The following SDHB variants were observed in gnomAD, a reference collection of about 807,000 sequenced individuals.
The protein encoded by SDHB is succinate dehydrogenase [ubiquinone] iron-sulfur subunit, mitochondrial.
A neutral mutation model predicts 39.7 loss-of-function variants in SDHB; 21 were observed. The ratio of observed to expected loss-of-function variants is 0.53; its 90% CI spans 0.37 to 0.76. The LOEUF is 0.76. Ranked by LOEUF, SDHB falls within the 30% of genes least tolerant of loss-of-function variation. The pLI, the probability that SDHB is intolerant of heterozygous loss-of-function variation, is 0.00. For synonymous variants in SDHB, 118 were observed against 117.0 expected, an observed-to-expected ratio of 1.01 and a Z score of -0.06; for missense variants, 343 against 350.9, an observed-to-expected ratio of 0.98 and a Z score of 0.18.
intron 1 of SDHB, among the ~76,000 whole-genome samples, chr1:17,046,333 A>C (rs1430014019): frequency 6.7e-6 from 1 of 149,860 alleles, no homozygotes; most frequent in Non-Finnish European, 1.5e-5. Flanking sequence ...ACTCCAGTGG[A>C]CTTTGCTTGC....
intron 7 of SDHB, among the ~76,000 whole-genome samples, chr1:17,021,764 G>T (rs1168936429): frequency 6.6e-6 from 1 of 151,922 alleles, no homozygotes; most frequent in African/African-American, 2.4e-5. Context: ...AAAAAAAAAG[G>T]CTGAGCTTGG....
At position 17,054,007 on chromosome 1, in the gene SDHB, C is replaced by G. The variant is rs962717797; in HGVS notation, c.13G>C (p.Val5Leu). The G allele has an allele frequency of 1.2e-6, 2 of 1,610,732 alleles. No individual in the cohort carries two copies. The highest frequency in any genetic ancestry group is 1.7e-6 in the Non-Finnish European group (2 of 1,178,432). The change falls in exon 1 of 8, where the codon GTC becomes CTC. Residue 5 changes from valine to leucine, a missense_variant. Val to Leu is a conservative substitution (Grantham distance 32). Transcript: ENST00000375499. MAAV[V>L]ALSLRRRLPA... The stretch of plus-strand genomic sequence containing the variant: ...AACCGGCGCCTCAAGGAGAGGGCGA[C>G]CACCGCCGCCATCTTGGCTCCTGAC...
chr1:17,027,878 GGAAGAAGAA>G lies in SDHB; in HGVS notation c.424-22_424-14del, dbSNP rs34261028. ...AGTTGCTCAAATCCTGTGGTTAAGA[GGAAGAAGAA>G]GAAGAAGAAGAAGAAAAGGATCAGA... On this transcript the variant is annotated splice_polypyrimidine_tract_variant and intron_variant, in intron 4 of 7. Coordinates refer to ENST00000375499, the MANE Select transcript of SDHB (RefSeq NM_003000.3). The G allele has an allele frequency of 3.3e-5, 45 of 1,378,040 alleles. No homozygotes were observed. The highest frequency in any genetic ancestry group is 1.3e-4 in the African/African-American group (9 of 70,290). 85.4% of individuals were successfully genotyped at this position (1,378,040 alleles called of 1,614,324 possible).
chr1:17,024,066 G>C lies in SDHB; in HGVS notation c.549C>G (p.Leu183=). 2 of 1,612,820 alleles carry C rather than the reference G, an allele frequency of 1.2e-6. No homozygotes were observed. Among genetic ancestry groups the C allele is most frequent in the Non-Finnish European group, 1.7e-6 (2 of 1,179,434 alleles). Reference sequence around the variant, plus strand: ...AGCAGGCACAGAGAATGCACTCGTAGAGCCCGTCCTGTATGGGGAGAAAAG... The same window carrying C: ...AGCAGGCACAGAGAATGCACTCGTACAGCCCGTCCTGTATGGGGAGAAAAG... ...SIEEREKLDG[L]YECILCACCS... is the part of the protein sequence containing the mutation. The change falls in exon 6 of 8, where the codon CTC becomes CTG. Residue 183 remains leucine, a synonymous_variant. Transcript: ENST00000375499.
At chr1:17,032,817 G>C in intron 3 of SDHB, 2 of 554,956 alleles carry the variant, frequency 3.6e-6, no homozygotes, top group Non-Finnish European at 6.5e-6. Flanking sequence ...AGCTCACAGG[G>C]ACCGCCAGAT....
chr1:17,022,145 G>A (rs759733953), intron 7 of SDHB, among the ~76,000 whole-genome samples: 3 of 152,230 alleles, frequency 2.0e-5, no homozygotes, highest in Non-Finnish European at 4.4e-5. Flanking sequence ...CGAGCAGGAA[G>A]AGGAACGAAA....
chr1:17,044,055 C>G (rs1259452259), intron 2 of SDHB, among the ~76,000 whole-genome samples: 1 of 145,506 alleles, frequency 6.9e-6, no homozygotes, highest in Non-Finnish European at 1.5e-5. Context: ...AAATAGAAAA[C>G]TAACACGCCA....
chr1:17,030,444 G>T (rs1001321052), intron 3 of SDHB, among the ~76,000 whole-genome samples: 1 of 152,114 alleles, frequency 6.6e-6, no homozygotes, highest in African/African-American at 2.4e-5. Flanking sequence ...GGAGAAGAAT[G>T]AACTAATATG....
chr1:17,050,953 A>G (rs2078143139), intron 1 of SDHB, among the ~76,000 whole-genome samples: 1 of 152,274 alleles, frequency 6.6e-6, no homozygotes, highest in South Asian at 2.1e-4. Flanking sequence ...ATCTCTATGA[A>G]AAATGTTTTG....
chr1:17,020,476 G>C (rs991080552), intron 7 of SDHB, among the ~76,000 whole-genome samples: 22 of 152,154 alleles, frequency 1.4e-4, no homozygotes, highest in Admixed American at 1.4e-3. Context: ...TTACAGAAGG[G>C]AGGGCAAGGC....
In SDHB at chr1:17,033,057, C is replaced by T. The variant is rs2078031816; in HGVS notation, c.286+3G>A. 6.2e-7 allele frequency: 1 copy of T among 1,611,160 alleles called. No homozygotes were observed. The highest frequency in any genetic ancestry group is 8.5e-7 in the Non-Finnish European group (1 of 1,177,312). ...TGGAGCCCAACAGGAATGAAATGCT[C>T]ACCTTCTCTGCATGATCTTCGGAAG... On this transcript the variant is annotated splice_donor_region_variant and intron_variant, in intron 3 of 7. Coordinates refer to ENST00000375499, the MANE Select transcript of SDHB (RefSeq NM_003000.3).
chr1:17,022,905 G>T, intron 6 of SDHB, 175 bp from the exon 7 acceptor site: 2 of 773,606 alleles, frequency 2.6e-6, no homozygotes, highest in Non-Finnish European at 4.2e-6. Flanking sequence ...AACACTTGTA[G>T]CTTCACTTGA....
At chr1:17,042,251 CA>C (rs1257049741) in intron 2 of SDHB, among the ~76,000 whole-genome samples, 1 of 152,224 alleles carries the variant, frequency 6.6e-6, no homozygotes, top group Non-Finnish European at 1.5e-5. Context: ...TTGTCCTCAG[CA>C]AAATCATGTA....
chr1:17,053,987 G>A lies in SDHB; in HGVS notation c.33C>T (p.Arg11=), dbSNP rs146399542. The stretch of plus-strand genomic sequence containing the variant: ...CGCCAAGGGTTGTGGCCGGCAACCG[G>A]CGCCTCAAGGAGAGGGCGACCACCG... MAAVVALSLR[R]RLPATTLGGA... The change falls in exon 1 of 8, where the codon CGC becomes CGT. Residue 11 remains arginine (R), a synonymous_variant. Coordinates refer to ENST00000375499, the MANE Select transcript of SDHB (RefSeq NM_003000.3). 1.9e-6 allele frequency: 3 copies of A among 1,612,922 alleles called. No individual in the cohort carries two copies. The African/African-American group carries it at 4.0e-5, about 22-fold the overall frequency.
At chr1:17,024,111 G>T in intron 5 of SDHB, 37 bp from the exon 6 acceptor site, 3 of 1,419,826 alleles carry the variant, frequency 2.1e-6, no homozygotes, top group South Asian at 1.2e-5. Flanking sequence ...AGCTTGTGAC[G>T]GGAGAGACTC....
intron 7 of SDHB, among the ~76,000 whole-genome samples, chr1:17,021,026 T>C (rs2101510999): frequency 6.6e-6 from 1 of 152,316 alleles, no homozygotes; most frequent in Non-Finnish European, 1.5e-5. Flanking sequence ...TTGAGTGAAA[T>C]CACCCACAGT....
intron 1 of SDHB, among the ~76,000 whole-genome samples, chr1:17,047,394 G>A (rs2078117412): frequency 6.6e-6 from 1 of 151,772 alleles, no homozygotes; most frequent in Admixed American, 6.6e-5. Context: ...AAATAATACT[G>A]AGACTCCACA....
At chr1:17,039,631 A>G (rs1338751238) in intron 2 of SDHB, among the ~76,000 whole-genome samples, 6 of 152,034 alleles carry the variant, frequency 3.9e-5, no homozygotes, top group Admixed American at 3.9e-4. Context: ...AAGAAGAAAA[A>G]AAGTTACTCT....
At chr1:17,034,087 T>C (rs1267255647) in intron 2 of SDHB, among the ~76,000 whole-genome samples, 1 of 152,222 alleles carries the variant, frequency 6.6e-6, no homozygotes, top group African/African-American at 2.4e-5. Flanking sequence ...TAATTTTCTA[T>C]GCATGAGATT....
Sources: allele counts gnomAD v4.1 joint callset (sites outside exome capture counted in the v4.1 genomes callset), GRCh38; gene constraint gnomAD v4.1.1; transcripts MANE v1.5; gene names NCBI Gene and HGNC (gene_info 2026-07-23, HGNC 2026-07-21).